The following LRRN2 variants were observed in gnomAD, a reference collection of about 807,000 sequenced individuals.
LRRN2 encodes leucine rich repeat neuronal 2.
A neutral mutation model predicts 35.7 loss-of-function variants in LRRN2; 10 were observed. The ratio of observed to expected loss-of-function variants is 0.28; its 90% CI spans 0.17 to 0.47. LRRN2 has a LOEUF of 0.47. Among genes scored for constraint, LRRN2 ranks in the 20% least tolerant of loss-of-function variants. LRRN2 has a pLI of 0.99. For missense variants in LRRN2, 731 were observed against 940.3 expected (o/e 0.78, Z 2.91); for synonymous variants, 391 against 409.6 (o/e 0.95, Z 0.55).
At chr1:204,656,865 C>T (rs1458093627) in intron 1 of LRRN2, among the ~76,000 whole-genome samples, 1 of 152,140 alleles carries the variant, frequency 6.6e-6, no homozygotes, top group Non-Finnish European at 1.5e-5. Context: ...TTGTGCTGGG[C>T]ACCTAATGGA....
Position 204,618,065 on chromosome 1 carries a change from G to T in LRRN2, c.1928C>A (p.Ala643Glu), listed in dbSNP as rs529295861. ...GCCAAGGTGGGCCGCTAGCCCAGCT[G>T]CCAGGAGAAGGACAGCGAGAGCCAG... ...AILALAVLLL[A>E]AGLAAHLGTG... The change falls in exon 2 of 2, where the codon GCA (alanine) becomes GAA (glutamate). Residue 643 changes from alanine (A) to glutamate (E), a missense_variant. By Grantham distance (107) the Ala-to-Glu change is moderately radical (BLOSUM62 -1). Transcript: ENST00000367177. The T allele has an allele frequency of 2.5e-6, 4 of 1,613,814 alleles. No individual in the cohort carries two copies. The highest frequency in any genetic ancestry group is 2.2e-5 in the South Asian group (2 of 91,054).
intron 1 of LRRN2, among the ~76,000 whole-genome samples, chr1:204,642,263 G>T (rs1368090819): frequency 2.0e-5 from 3 of 152,192 alleles, no homozygotes; most frequent in Non-Finnish European, 2.9e-5. Flanking sequence ...TCTCTCCCCA[G>T]ACCTCAAAAC....
intron 1 of LRRN2, among the ~76,000 whole-genome samples, chr1:204,650,083 TGGCCC>T (rs1668189949): frequency 2.0e-5 from 3 of 152,212 alleles, no homozygotes; most frequent in Admixed American, 2.0e-4. Flanking sequence ...CTGCCCAGCC[TGGCCC>T]TGGGCCCTGT....
intron 1 of LRRN2, among the ~76,000 whole-genome samples, chr1:204,676,898 G>C (rs1319521244): frequency 6.6e-6 from 1 of 152,190 alleles, no homozygotes; most frequent in Non-Finnish European, 1.5e-5. Flanking sequence ...TTTGGGGGCT[G>C]AATTCTGGCT....
chr1:204,667,774 G>A (rs188098814), intron 1 of LRRN2, among the ~76,000 whole-genome samples: 91 of 152,292 alleles, frequency 6.0e-4, no homozygotes, highest in Non-Finnish European at 9.8e-4. Flanking sequence ...CCAGGCAGAA[G>A]GAACGGTCTG....
chr1:204,634,640 C>T (rs1053579543), intron 1 of LRRN2, among the ~76,000 whole-genome samples: 2 of 152,142 alleles, frequency 1.3e-5, no homozygotes, highest in African/African-American at 2.4e-5. Context: ...AGGAACACCA[C>T]CAATTGATGG....
intron 1 of LRRN2, among the ~76,000 whole-genome samples, chr1:204,634,788 C>T (rs1395493127): frequency 6.6e-6 from 1 of 152,308 alleles, no homozygotes; most frequent in East Asian, 1.9e-4. Context: ...TGTTTTAAGC[C>T]ATCCAGTAAC....
At chr1:204,661,175 G>C (rs1333968823) in intron 1 of LRRN2, among the ~76,000 whole-genome samples, 1 of 152,350 alleles carries the variant, frequency 6.6e-6, no homozygotes, top group Admixed American at 6.5e-5. Flanking sequence ...GTACTTTTAA[G>C]AGTGGGCAGA....
chr1:204,671,880 AG>A (rs1668721873), intron 1 of LRRN2, among the ~76,000 whole-genome samples: 1 of 152,138 alleles, frequency 6.6e-6, no homozygotes, highest in African/African-American at 2.4e-5. Flanking sequence ...CAAGATACAG[AG>A]TGTGAACTTG....
Position 204,619,794 on chromosome 1 carries a change from G to C in LRRN2, c.199C>G (p.Leu67Val), listed in dbSNP as rs879450478. 1.2e-6 allele frequency: 2 copies of C among 1,614,190 alleles called. No individual in the cohort carries two copies. Among genetic ancestry groups the C allele is most frequent in the Non-Finnish European group, 1.7e-6 (2 of 1,180,002 alleles). The change falls in exon 2 of 2, where the codon CTC becomes GTC. Residue 67 changes from leucine (L) to valine (V), a missense_variant. Transcript: ENST00000367177. The stretch of plus-strand genomic sequence containing the variant: ...AGCAGGGTCTGTGTGCCTGCGGGGA[G>C]TGCCGGGGGGACTGCCGTCAGGAAT... ...DLFLTAVPPA[L>V]PAGTQTLLLQ... is the part of the protein sequence containing the mutation.
At chr1:204,654,771 G>A (rs1262626863) in intron 1 of LRRN2, among the ~76,000 whole-genome samples, 2 of 152,226 alleles carry the variant, frequency 1.3e-5, no homozygotes, top group African/African-American at 4.8e-5. Context: ...CCCAGTCCAT[G>A]AGAGCTGATG....
chr1:204,653,937 G>A (rs1668287972), intron 1 of LRRN2, among the ~76,000 whole-genome samples: 1 of 150,158 alleles, frequency 6.7e-6, no homozygotes, highest in Non-Finnish European at 1.5e-5. Context: ...TCAGGAGGCT[G>A]ATGTGGAAGG....
chr1:204,675,359 C>T (rs1668802648), intron 1 of LRRN2, among the ~76,000 whole-genome samples: 1 of 152,206 alleles, frequency 6.6e-6, no homozygotes, highest in African/African-American at 2.4e-5. Context: ...GTTCTGGAGG[C>T]CAGAAGTCCA....
chr1:204,659,461 G>A (rs1668425808), intron 1 of LRRN2, among the ~76,000 whole-genome samples: 1 of 152,170 alleles, frequency 6.6e-6, no homozygotes, highest in South Asian at 2.1e-4. Flanking sequence ...GGAGGAGGGA[G>A]AGGGTAAGCC....
chr1:204,643,847 C>A (rs749128482), intron 1 of LRRN2, among the ~76,000 whole-genome samples: 1 of 152,160 alleles, frequency 6.6e-6, no homozygotes, highest in Non-Finnish European at 1.5e-5. Flanking sequence ...AAGAACAAAG[C>A]CTTTAGAATG....
At chr1:204,645,443 C>A (rs1216786011) in intron 1 of LRRN2, among the ~76,000 whole-genome samples, 1 of 152,150 alleles carries the variant, frequency 6.6e-6, no homozygotes, top group Non-Finnish European at 1.5e-5. Flanking sequence ...ACTGGGCAGC[C>A]TTTCCTCCAT....
At chr1:204,629,085 C>T (rs1376761009) in intron 1 of LRRN2, 1 of 152,420 alleles carries the variant, frequency 6.6e-6, no homozygotes, top group South Asian at 2.1e-4. Flanking sequence ...CTCTAGCAGT[C>T]TGGGCCCCAG....
At chr1:204,680,599 G>A (rs79780114) in intron 1 of LRRN2, among the ~76,000 whole-genome samples, 3,010 of 152,254 alleles carry the variant, frequency 0.02, 80 homozygotes, top group African/African-American at 0.061. Flanking sequence ...GGCTTAGAAC[G>A]TGCAGGAGCC....
intron 1 of LRRN2, among the ~76,000 whole-genome samples, chr1:204,642,460 C>T (rs1352262448): frequency 6.6e-6 from 1 of 152,214 alleles, no homozygotes; most frequent in African/African-American, 2.4e-5. Context: ...AGGCAGCCTG[C>T]CTCCCGGCTC....
Sources: allele counts gnomAD v4.1 joint callset (sites outside exome capture counted in the v4.1 genomes callset), GRCh38; gene constraint gnomAD v4.1.1; transcripts MANE v1.5; gene names NCBI Gene and HGNC (gene_info 2026-07-23, HGNC 2026-07-21).